ABHD2: variants seen among roughly 807,000 people sequenced by gnomAD.
ABHD2 encodes the protein monoacylglycerol lipase ABHD2.
In ABHD2, 20 loss-of-function variants were observed where a neutral mutation model predicts 48.1. The observed-to-expected ratio is 0.42, with a 90% confidence interval of 0.29 to 0.60. The LOEUF is 0.60. Among genes scored for constraint, ABHD2 ranks in the 20% least tolerant of loss-of-function variants. The probability of loss-of-function intolerance (pLI) is 0.24; values close to 1 mark genes in which losing one functional copy is unlikely to be tolerated. For synonymous variants in ABHD2, 209 were observed against 214.2 expected (o/e 0.98, Z 0.21); for missense variants, 405 against 550.9 (o/e 0.74, Z 2.65).
Position 89,198,417 on chromosome 15 carries a change from GT to G in ABHD2, c.*2996del, listed in dbSNP as rs1485999367. On this transcript the variant is annotated 3_prime_UTR_variant, in exon 11 of 11. Transcript: ENST00000352732. This position sits in a 1 kb window ranked among gnomAD's most constrained non-coding sequence, Gnocchi z 5.1. The stretch of plus-strand genomic sequence containing the variant: ...TGTCAAGTTTCTTTAATGTTTTTAT[GT>G]TAGAAGTGAGTTTAACAGACTTGAA... The G allele has an allele frequency of 6.6e-6, 1 of 152,194 alleles. No individual in the cohort carries two copies. The highest frequency in any genetic ancestry group is 2.4e-5 in the African/African-American group (1 of 41,442). 9.4% of individuals were successfully genotyped at this position (152,194 alleles called of 1,614,324 possible). A position where few individuals can be genotyped will look rare whatever the true frequency, so the allele number is the denominator to read the frequency against.
intron 3 of ABHD2, among the ~76,000 whole-genome samples, chr15:89,142,647 A>AC (rs1320803090): frequency 4.6e-5 from 7 of 151,982 alleles, no homozygotes; most frequent in Middle Eastern, 3.4e-3. Flanking sequence ...TACTCAGAGG[A>AC]CCCCCACGGA....
intron 7 of ABHD2, among the ~76,000 whole-genome samples, chr15:89,187,073 G>T (rs1013173636): frequency 1.3e-5 from 2 of 152,352 alleles, no homozygotes; most frequent in East Asian, 1.9e-4. Flanking sequence ...GTTTGAATGG[G>T]TCTGGAGATT....
intron 3 of ABHD2, among the ~76,000 whole-genome samples, chr15:89,118,604 G>T (rs930097416): frequency 6.6e-6 from 1 of 152,116 alleles, no homozygotes; most frequent in Non-Finnish European, 1.5e-5. Context: ...GAGAGCTCTT[G>T]AAAACCAAAG....
the ABHD2 span, among the ~76,000 whole-genome samples, chr15:89,055,550 G>T: frequency 3.9e-5 from 6 of 151,960 alleles, no homozygotes; most frequent in Non-Finnish European, 8.8e-5. Flanking sequence ...GCCCAAGCTG[G>T]TCTTGAACTC....
At chr15:89,125,905 T>A (rs771624212) in intron 3 of ABHD2, among the ~76,000 whole-genome samples, 10 of 152,330 alleles carry the variant, frequency 6.6e-5, no homozygotes, top group South Asian at 2.1e-4. Flanking sequence ...AGAGACTTTA[T>A]GCCTTCTTAT....
At chr15:89,071,428 A>G in the ABHD2 span, among the ~76,000 whole-genome samples, 1 of 152,082 alleles carries the variant, frequency 6.6e-6, no homozygotes, top group East Asian at 1.9e-4. Flanking sequence ...TCTCAAAAGA[A>G]AAAAAAAGAC....
In ABHD2 at chr15:89,188,149, AT is replaced by A. The variant is rs2051242764; in HGVS notation, c.816-43del. ...GAAGCAGGCTATGCCATGGTTGTTC[AT>A]CCTCCACATCTTAATCTCTGTTTGC... On this transcript the variant is annotated intron_variant, in intron 7 of 10. Coordinates refer to ENST00000352732, the MANE Select transcript of ABHD2 (RefSeq NM_152924.5). The surrounding 1 kb of genome is among the most constrained non-coding windows in gnomAD (Gnocchi z 4.1). The A allele has an allele frequency of 6.4e-7, 1 of 1,565,532 alleles. No homozygotes were observed. The highest frequency in any genetic ancestry group is 1.4e-5 in the African/African-American group (1 of 73,930).
intron 4 of ABHD2, among the ~76,000 whole-genome samples, chr15:89,153,407 T>C (rs1000717267): frequency 2.6e-5 from 4 of 152,238 alleles, no homozygotes; most frequent in African/African-American, 7.2e-5. Flanking sequence ...CCAATAGTTA[T>C]TTATTCACCA....
At chr15:89,082,408 A>T in the ABHD2 span, 1 of 152,190 alleles carries the variant, frequency 6.6e-6, no homozygotes, top group Non-Finnish European at 1.5e-5. The surrounding 1 kb of genome is among the most constrained non-coding windows in gnomAD (Gnocchi z 4.4). Flanking sequence ...CACCAGCCCC[A>T]TCCATTTTTT....
intron 5 of ABHD2, among the ~76,000 whole-genome samples, chr15:89,163,109 C>A (rs1449999561): frequency 6.6e-6 from 1 of 152,210 alleles, no homozygotes; most frequent in Non-Finnish European, 1.5e-5. Context: ...CTTTTTGCAA[C>A]TGTGATCTTG....
chr15:89,135,614 C>G (rs2050296312), intron 3 of ABHD2: 1 of 1,546,336 alleles, frequency 6.5e-7, no homozygotes, highest in African/African-American at 1.4e-5. Context: ...TCCTCCTCTT[C>G]CTTCTTTTTC....
chr15:89,194,442 G>A (rs2051360765), intron 10 of ABHD2, among the ~76,000 whole-genome samples: 1 of 152,052 alleles, frequency 6.6e-6, no homozygotes, highest in Admixed American at 6.6e-5. Context: ...CTGAGACTCT[G>A]TCCCAAAAAA....
At chr15:89,162,759 T>G (rs1437293324) in intron 5 of ABHD2, among the ~76,000 whole-genome samples, 1 of 152,152 alleles carries the variant, frequency 6.6e-6, no homozygotes, top group Non-Finnish European at 1.5e-5. Flanking sequence ...GATTTGAAAT[T>G]AAGGATTTGT....
the ABHD2 span, among the ~76,000 whole-genome samples, chr15:89,056,262 C>G: frequency 3.3e-5 from 5 of 152,238 alleles, no homozygotes; most frequent in Non-Finnish European, 4.4e-5. Context: ...GAAAAAAACT[C>G]ACAAAACTGT....
the ABHD2 span, among the ~76,000 whole-genome samples, chr15:89,068,752 C>CAGGTT: frequency 3.5e-5 from 3 of 85,182 alleles, no homozygotes; most frequent in African/African-American, 1.5e-4. Context: ...GGCAAGCTTC[C>CAGGTT]TCTTTTTTTT....
At chr15:89,191,277 C>T in intron 9 of ABHD2, 128 bp downstream of exon 9, 1 of 879,152 alleles carries the variant, frequency 1.1e-6, no homozygotes, top group Non-Finnish European at 1.8e-6. Context: ...GCTCTTTTAG[C>T]TTGGATTTGT....
Position 89,175,906 on chromosome 15 carries a change from C to T in ABHD2, c.633C>T (p.Asn211=). Residue 211 remains asparagine, a synonymous_variant, in exon 6 of 11, where the codon AAC becomes AAT. Transcript: ENST00000352732. This position sits in a 1 kb window ranked among gnomAD's most constrained non-coding sequence, Gnocchi z 5.7. The part of the protein sequence containing the change: ...LVVVGFSLGG[N]IVCKYLGETQ... ...TCGTGGGCTTCAGCCTGGGTGGTAA[C>T]ATTGTGTGCAAATACTTGGGGGAGA... 1 of 1,614,126 alleles carries T rather than the reference C, an allele frequency of 6.2e-7. No homozygotes were observed. The highest frequency in any genetic ancestry group is 1.1e-5 in the South Asian group (1 of 91,080).
At chr15:89,148,944 T>A (rs776675637) in intron 3 of ABHD2, among the ~76,000 whole-genome samples, 1 of 152,224 alleles carries the variant, frequency 6.6e-6, no homozygotes, top group Non-Finnish European at 1.5e-5. Context: ...ACTGGGCACC[T>A]ATTCAGTTTT....
chr15:89,044,060 C>T, the ABHD2 span, among the ~76,000 whole-genome samples: 1 of 152,096 alleles, frequency 6.6e-6, no homozygotes, highest in African/African-American at 2.4e-5. Flanking sequence ...CCACTTCCCC[C>T]AACCCACAAC....
Sources: allele counts gnomAD v4.1 joint callset (sites outside exome capture counted in the v4.1 genomes callset), GRCh38; gene constraint gnomAD v4.1.1; non-coding constraint Gnocchi (gnomAD v3.1); transcripts MANE v1.5; gene names NCBI Gene and HGNC (gene_info 2026-07-23, HGNC 2026-07-21).